STAB2: variants seen among roughly 807,000 people sequenced by gnomAD.
The protein encoded by STAB2 is stabilin 2, also known as stabilin-2.
In STAB2, 288 loss-of-function variants were observed where a neutral mutation model predicts 338.1. That is an observed-to-expected ratio of 0.85 (90% CI 0.77 to 0.94). STAB2 has a LOEUF of 0.94. Among genes scored for constraint, STAB2 ranks in the 40% least tolerant of loss-of-function variants. STAB2 has a pLI of 0.00. For synonymous variants in STAB2, 1,202 were observed against 1,193.3 expected (o/e 1.01, Z -0.15); for missense variants, 3,141 against 3,210.1 (o/e 0.98, Z 0.52).
rs1566049514 is a variant in STAB2 at position 103,725,026 on chromosome 12, G to A, written c.4735G>A (p.Glu1579Lys). 5.6e-6 allele frequency: 9 copies of A among 1,614,108 alleles called. No homozygotes were observed. The highest frequency in any genetic ancestry group is 7.6e-6 in the Non-Finnish European group (9 of 1,179,948). ...FAICNHTGQVERTCTCKPNYI... is the reference protein window; with the variant it reads ...FAICNHTGQVKRTCTCKPNYI... ...CATCTGCAACCACACTGGGCAAGTA[G>A]AAAGGACTTGTACTTGCAAGCCAAA... Residue 1579 changes from glutamate to lysine, a missense_variant, in exon 45 of 69, where the codon GAA (glutamate) becomes AAA (lysine). Physicochemically the swap from Glu to Lys is moderately conservative, Grantham distance 56. Coordinates refer to ENST00000388887, the MANE Select transcript of STAB2 (RefSeq NM_017564.10).
intron 49 of STAB2, 108 bp from the exon 50 acceptor site, chr12:103,731,468 G>A: frequency 9.1e-7 from 1 of 1,098,118 alleles, no homozygotes. Flanking sequence ...GCCCATCTAT[G>A]TATCCGTCAG....
At chr12:103,627,101 G>A (rs1056019980) in intron 5 of STAB2, among the ~76,000 whole-genome samples, 2 of 152,146 alleles carry the variant, frequency 1.3e-5, no homozygotes, top group South Asian at 2.1e-4. Flanking sequence ...CTCCTTTTAC[G>A]GATGAAGAAG....
At chr12:103,639,034 C>A (rs1220458014) in intron 8 of STAB2, among the ~76,000 whole-genome samples, 2 of 152,136 alleles carry the variant, frequency 1.3e-5, no homozygotes, top group Non-Finnish European at 2.9e-5. Context: ...ATATATTATG[C>A]AACATTTTTC....
Position 103,622,047 on chromosome 12 carries a change from G to A in STAB2, c.423G>A (p.Gly141=), listed in dbSNP as rs1451637565. 1 of 1,614,088 alleles carries A rather than the reference G, an allele frequency of 6.2e-7. No individual in the cohort carries two copies. The highest frequency in any genetic ancestry group is 8.5e-7 in the Non-Finnish European group (1 of 1,180,038). Residue 141 remains glycine, a synonymous_variant, in exon 5 of 69, where the codon GGG becomes GGA. Coordinates refer to ENST00000388887, the MANE Select transcript of STAB2 (RefSeq NM_017564.10). The part of the protein sequence containing the change: ...EGNGTCSCQE[G]FGGTACETCA... ...CCACCTGGGGTGTTTTGCAGGAAGG[G>A]TTTGGTGGAACAGCCTGTGAAACCT...
intron 22 of STAB2, among the ~76,000 whole-genome samples, chr12:103,672,405 G>A (rs1224877685): frequency 6.6e-6 from 1 of 152,248 alleles, no homozygotes; most frequent in Admixed American, 6.5e-5. Flanking sequence ...TGGCCTTCCA[G>A]CTGTCACACC....
chr12:103,594,098 T>C (rs1956839323), intron 2 of STAB2, among the ~76,000 whole-genome samples: 2 of 152,228 alleles, frequency 1.3e-5, no homozygotes, highest in African/African-American at 4.8e-5. Context: ...GTTTTAGGTA[T>C]ACTTCTAGCA....
intron 44 of STAB2, among the ~76,000 whole-genome samples, chr12:103,718,980 C>T (rs1880547376): frequency 6.6e-6 from 1 of 152,246 alleles, no homozygotes; most frequent in Admixed American, 6.5e-5. Flanking sequence ...CATGTCGATC[C>T]TGGCAGGAGC....
chr12:103,736,691 G>T (rs957185640), intron 52 of STAB2, among the ~76,000 whole-genome samples: 6 of 151,980 alleles, frequency 3.9e-5, no homozygotes, highest in East Asian at 1.9e-4. Context: ...TTTACCTGGT[G>T]AAAAAAACAA....
intron 1 of STAB2, 35 bp downstream of exon 1, chr12:103,587,592 A>G (rs1593111698): frequency 2.6e-6 from 4 of 1,547,230 alleles, no homozygotes. Flanking sequence ...TTCATTTGTT[A>G]ATTGTCATGA....
intron 65 of STAB2, 41 bp from the exon 66 acceptor site, chr12:103,761,259 T>C (rs780986712): frequency 3.8e-6 from 6 of 1,588,474 alleles, no homozygotes; most frequent in East Asian, 2.2e-5. Context: ...GGCTGCCCAC[T>C]CGGAGAGTAA....
At chr12:103,630,249 A>G (rs1957439040) in intron 5 of STAB2, among the ~76,000 whole-genome samples, 1 of 152,230 alleles carries the variant, frequency 6.6e-6, no homozygotes, top group African/African-American at 2.4e-5. Context: ...GGAGATGAAG[A>G]GCAGAAGATC....
At chr12:103,673,505 T>A (rs894798833) in intron 22 of STAB2, among the ~76,000 whole-genome samples, 1 of 151,926 alleles carries the variant, frequency 6.6e-6, no homozygotes, top group African/African-American at 2.4e-5. Flanking sequence ...CACACCATCA[T>A]GCCCGGCTAA....
At position 103,669,612 on chromosome 12, in the gene STAB2, C is replaced by T; in HGVS notation, c.2244C>T (p.Cys748=). 6.2e-7 allele frequency: 1 copy of T among 1,614,120 alleles called. No individual in the cohort carries two copies. The highest frequency in any genetic ancestry group is 1.3e-5 in the African/African-American group (1 of 75,062). The change falls in exon 21 of 69, where the codon TGC becomes TGT. Residue 748 remains cysteine, a synonymous_variant. Coordinates refer to ENST00000388887, the MANE Select transcript of STAB2 (RefSeq NM_017564.10). ...GTCCAGGAGGCTTCTCAAATCCATGCTCAGGAAATGGACAGGTGAATACTG... is the reference window on the plus strand; with the variant it reads ...GTCCAGGAGGCTTCTCAAATCCATGTTCAGGAAATGGACAGGTGAATACTG... ...NQCPGGFSNP[C]SGNGQCADSL...
At chr12:103,668,468 A>G in intron 19 of STAB2, 175 bp from the exon 20 acceptor site, 3 of 593,612 alleles carry the variant, frequency 5.1e-6, no homozygotes, top group Non-Finnish European at 6.1e-6. Flanking sequence ...GAACAGGCCT[A>G]AAAAAGGGTG....
intron 19 of STAB2, 72 bp from the exon 20 acceptor site, chr12:103,668,571 G>A (rs1875390984): frequency 2.2e-6 from 3 of 1,338,866 alleles, no homozygotes; most frequent in African/African-American, 2.9e-5. Context: ...GCAAGTGTCT[G>A]CAGAGGGTGT....
chr12:103,684,869 A>T, intron 26 of STAB2, 120 bp from the exon 27 acceptor site: 1 of 823,850 alleles, frequency 1.2e-6, no homozygotes, highest in Non-Finnish European at 2.0e-6. Context: ...GGTTACTTCT[A>T]CCATCTTTCA....
chr12:103,674,888 A>G (rs896470522), intron 23 of STAB2, among the ~76,000 whole-genome samples: 3 of 152,246 alleles, frequency 2.0e-5, no homozygotes, highest in African/African-American at 7.2e-5. Context: ...CCACAGTTGT[A>G]CAATAGAAAT....
Position 103,731,634 on chromosome 12 carries a change from A to C in STAB2, c.5282A>C (p.Gln1761Pro), listed in dbSNP as rs756872644. Residue 1761 changes from glutamine (Q) to proline (P), a missense_variant and splice_region_variant, in exon 50 of 69, where the codon CAG becomes CCG. By Grantham distance (76) the Gln-to-Pro change is moderately conservative (BLOSUM62 -1). Coordinates refer to ENST00000388887, the MANE Select transcript of STAB2 (RefSeq NM_017564.10). ...TACATCAAATTTAGCAACTTAATAC[A>C]GGTAAAAATTTAGGGGAAGTTGACT... The part of the protein sequence containing the change: ...NGYIKFSNLI[Q>P]DSGLLSVITD... 8 of 1,612,078 alleles carry C rather than the reference A, an allele frequency of 5.0e-6. No homozygotes were observed. The South Asian group carries it at 8.9e-5, about 18-fold the overall frequency.
At chr12:103,736,502 C>T (rs1348744866) in intron 52 of STAB2, among the ~76,000 whole-genome samples, 2 of 152,094 alleles carry the variant, frequency 1.3e-5, no homozygotes, top group East Asian at 1.9e-4. Context: ...GGTACGTTAT[C>T]CCAGTGTGCA....
Sources: allele counts gnomAD v4.1 joint callset (sites outside exome capture counted in the v4.1 genomes callset), GRCh38; gene constraint gnomAD v4.1.1; transcripts MANE v1.5; gene names NCBI Gene and HGNC (gene_info 2026-07-23, HGNC 2026-07-21).